The following JAZF1 variants were observed in gnomAD, a reference collection of about 807,000 sequenced individuals.
JAZF1 encodes juxtaposed with another zinc finger protein 1.
A neutral mutation model predicts 26.4 loss-of-function variants in JAZF1; 8 were observed. The observed-to-expected ratio is 0.30, with a 90% CI of 0.18 to 0.55. JAZF1 has a LOEUF of 0.55. JAZF1 is among the 20% of genes least tolerant of loss of function. JAZF1 has a pLI of 0.94. For missense variants in JAZF1, 199 were observed against 322.0 expected, an observed-to-expected ratio of 0.62 and a Z score of 2.92; for synonymous variants, 126 against 122.3, an observed-to-expected ratio of 1.03 and a Z score of -0.20.
intron 2 of JAZF1, among the ~76,000 whole-genome samples, chr7:27,944,389 A>G (rs1202368200): frequency 6.6e-6 from 1 of 152,210 alleles, no homozygotes; most frequent in Admixed American, 6.5e-5. Flanking sequence ...TTATCCAACC[A>G]TTTGCCATTT....
intron 2 of JAZF1, among the ~76,000 whole-genome samples, chr7:27,930,316 T>G (rs973593334): frequency 6.6e-6 from 1 of 152,154 alleles, no homozygotes; most frequent in Non-Finnish European, 1.5e-5. Context: ...TTTTCTATAA[T>G]GAACATATAT....
chr7:28,061,470 T>C (rs968509285), intron 1 of JAZF1, among the ~76,000 whole-genome samples: 2 of 152,240 alleles, frequency 1.3e-5, no homozygotes, highest in Admixed American at 1.3e-4. Context: ...CCTATTTAAC[T>C]GCTCTTACCA....
At chr7:28,074,718 T>A (rs1784025566) in intron 1 of JAZF1, among the ~76,000 whole-genome samples, 1 of 152,190 alleles carries the variant, frequency 6.6e-6, no homozygotes, top group South Asian at 2.1e-4. Context: ...ATATTTCTCA[T>A]TAATGAAGAC....
intron 1 of JAZF1, among the ~76,000 whole-genome samples, chr7:28,050,001 T>C (rs1204639807): frequency 6.6e-6 from 1 of 152,138 alleles, no homozygotes; most frequent in Non-Finnish European, 1.5e-5. Context: ...CAGGTGCGGC[T>C]GAAAGCTCCA....
At chr7:27,888,060 C>A (rs181661688) in intron 3 of JAZF1, among the ~76,000 whole-genome samples, 1 of 152,274 alleles carries the variant, frequency 6.6e-6, no homozygotes, top group Non-Finnish European at 1.5e-5. Context: ...AGAACACAGG[C>A]GGAGAATATA....
intron 2 of JAZF1, among the ~76,000 whole-genome samples, chr7:27,900,493 T>C (rs1784146832): frequency 6.6e-6 from 1 of 152,218 alleles, no homozygotes; most frequent in Admixed American, 6.5e-5. Context: ...TAGCTTGAAA[T>C]TGGCTATGGC....
intron 1 of JAZF1, among the ~76,000 whole-genome samples, chr7:28,116,462 T>G (rs917522531): frequency 6.6e-6 from 1 of 152,244 alleles, no homozygotes; most frequent in African/African-American, 2.4e-5. Flanking sequence ...TCTCTTTTTT[T>G]CAGACAGAGT....
In JAZF1 at chr7:28,141,092, G is replaced by A. The variant is rs115633114; in HGVS notation, c.115+39371C>T. 4.8e-3 allele frequency among the ~76,000 whole-genome samples: 737 copies of A among 152,260 alleles called. 6 individuals are homozygous for A. Among genetic ancestry groups the A allele is most frequent in the African/African-American group, 0.017 (708 of 41,550 alleles). On this transcript the variant is annotated intron_variant, in intron 1 of 4. Transcript: ENST00000283928. ...CTATCCCAGCTTTTAATTTGGAGTA[G>A]AACAAAATTTCACAGACTCAAAAGA...
At chr7:28,167,067 C>G (rs1783380581) in intron 1 of JAZF1, among the ~76,000 whole-genome samples, 1 of 152,152 alleles carries the variant, frequency 6.6e-6, no homozygotes. Context: ...GTGGGGGCTT[C>G]CTGATCTCCA....
intron 1 of JAZF1, among the ~76,000 whole-genome samples, chr7:28,000,060 G>A (rs1375564432): frequency 3.9e-5 from 6 of 152,300 alleles, no homozygotes; most frequent in South Asian, 2.1e-4. Context: ...ACAGGTGAGG[G>A]CGGGAAACCT....
At chr7:27,981,790 G>T (rs902831658) in intron 2 of JAZF1, among the ~76,000 whole-genome samples, 1 of 152,072 alleles carries the variant, frequency 6.6e-6, no homozygotes, top group Non-Finnish European at 1.5e-5. Flanking sequence ...ACTTATCCAA[G>T]AAATTTCACA....
At chr7:28,079,331 T>C (rs1784100698) in intron 1 of JAZF1, among the ~76,000 whole-genome samples, 1 of 152,154 alleles carries the variant, frequency 6.6e-6, no homozygotes, top group African/African-American at 2.4e-5. Context: ...ACTTGGACTC[T>C]GATCACCAAA....
chr7:28,018,299 T>C (rs986207550), intron 1 of JAZF1, among the ~76,000 whole-genome samples: 2 of 152,130 alleles, frequency 1.3e-5, no homozygotes, highest in Non-Finnish European at 2.9e-5. Flanking sequence ...AGTGTGGGGA[T>C]GAGGCTGGGG....
chr7:28,051,182 T>C (rs892514569), intron 1 of JAZF1, among the ~76,000 whole-genome samples: 4 of 151,982 alleles, frequency 2.6e-5, no homozygotes, highest in Non-Finnish European at 4.4e-5. Context: ...TAACTGTTTT[T>C]TTTTAAGAAA....
intron 1 of JAZF1, among the ~76,000 whole-genome samples, chr7:28,092,277 C>T (rs1583555610): frequency 2.1e-5 from 1 of 46,872 alleles, no homozygotes; most frequent in Non-Finnish European, 3.8e-5. Flanking sequence ...CATCCCATTT[C>T]AGGGACAAAA....
chr7:27,936,580 T>A (rs1784765733), intron 2 of JAZF1, among the ~76,000 whole-genome samples: 1 of 152,242 alleles, frequency 6.6e-6, no homozygotes, highest in South Asian at 2.1e-4. Context: ...ACTCTCTGCA[T>A]GCTACATGGT....
chr7:28,042,769 A>G (rs1229250109), intron 1 of JAZF1, among the ~76,000 whole-genome samples: 1 of 152,194 alleles, frequency 6.6e-6, no homozygotes, highest in African/African-American at 2.4e-5. Flanking sequence ...TACAGTATTC[A>G]GTACAGTAAC....
chr7:28,056,514 A>T (rs1012145126), intron 1 of JAZF1, among the ~76,000 whole-genome samples: 3 of 151,908 alleles, frequency 2.0e-5, no homozygotes, highest in African/African-American at 7.3e-5. Flanking sequence ...TGAATGTATT[A>T]TCTGAGTGTG....
At chr7:27,961,545 T>A (rs1381598021) in intron 2 of JAZF1, among the ~76,000 whole-genome samples, 2 of 152,074 alleles carry the variant, frequency 1.3e-5, no homozygotes, top group Admixed American at 6.6e-5. Flanking sequence ...GGAACTCTGG[T>A]GAAGACATTA....
Sources: allele counts gnomAD v4.1 joint callset (sites outside exome capture counted in the v4.1 genomes callset), GRCh38; gene constraint gnomAD v4.1.1; transcripts MANE v1.5; gene names NCBI Gene and HGNC (gene_info 2026-07-23, HGNC 2026-07-21).